TPTE2: variants seen among roughly 807,000 people sequenced by gnomAD.
TPTE2 encodes the protein phosphatidylinositol 3,4,5-trisphosphate 3-phosphatase TPTE2.
A neutral mutation model predicts 78.6 loss-of-function variants in TPTE2; 53 were observed. The ratio of observed to expected loss-of-function variants is 0.67; its 90% confidence interval spans 0.54 to 0.85. The LOEUF (loss-of-function observed/expected upper bound fraction) is 0.85, where lower values mean the gene tolerates loss of function less well. Ranked by LOEUF, TPTE2 falls within the 40% of genes least tolerant of loss-of-function variation. TPTE2 has a pLI of 0.00. For missense variants in TPTE2, 461 were observed against 623.0 expected (o/e 0.74, Z 2.77); for synonymous variants, 175 against 206.2 (o/e 0.85, Z 1.30).
At chr13:19,446,778 AAAAAATAC>A (rs1877866284) in intron 13 of TPTE2, among the ~76,000 whole-genome samples, 1 of 152,046 alleles carries the variant, frequency 6.6e-6, no homozygotes, top group Non-Finnish European at 1.5e-5. Flanking sequence ...CTGTCTCTAT[AAAAAATAC>A]AAAAATTAGC....
chr13:19,529,692 C>T (rs1438761693), intron 1 of TPTE2, among the ~76,000 whole-genome samples: 9 of 152,144 alleles, frequency 5.9e-5, no homozygotes, highest in Non-Finnish European at 1.3e-4. Flanking sequence ...TACTCAGAGC[C>T]AGAGTTCAGC....
At chr13:19,496,134 G>A (rs533268895) in intron 1 of TPTE2, among the ~76,000 whole-genome samples, 2 of 152,264 alleles carry the variant, frequency 1.3e-5, no homozygotes, top group African/African-American at 4.8e-5. Flanking sequence ...CCAAAGTGCT[G>A]GGACTACAGG....
At chr13:19,523,423 T>G (rs1870306201) in intron 1 of TPTE2, among the ~76,000 whole-genome samples, 1 of 152,154 alleles carries the variant, frequency 6.6e-6, no homozygotes, top group Non-Finnish European at 1.5e-5. Flanking sequence ...TTTTTGAAGG[T>G]TCCTAGCTTG....
intron 13 of TPTE2, among the ~76,000 whole-genome samples, chr13:19,441,583 C>T (rs1029676029): frequency 4.6e-4 from 69 of 151,404 alleles, no homozygotes; most frequent in Non-Finnish European, 7.6e-4. Flanking sequence ...TCAATTAATG[C>T]AGGAAAAAGC....
chr13:19,440,722 T>C (rs1254482867), intron 13 of TPTE2, among the ~76,000 whole-genome samples: 3 of 151,808 alleles, frequency 2.0e-5, no homozygotes, highest in African/African-American at 2.4e-5. Context: ...GTGACTGAGA[T>C]TGCACCACTG....
chr13:19,550,409 A>G, the TPTE2 span, among the ~76,000 whole-genome samples: 1 of 152,208 alleles, frequency 6.6e-6, no homozygotes, highest in Non-Finnish European at 1.5e-5. Flanking sequence ...TGGTTCCCAG[A>G]TAATACATAC....
chr13:19,487,652 C>T (rs1395988338), intron 3 of TPTE2, among the ~76,000 whole-genome samples: 1 of 152,120 alleles, frequency 6.6e-6, no homozygotes, highest in Non-Finnish European at 1.5e-5. Context: ...CCAACCTCCA[C>T]ACAGCTGGGA....
intron 13 of TPTE2, among the ~76,000 whole-genome samples, chr13:19,440,684 C>T (rs759524127): frequency 7.2e-5 from 11 of 152,130 alleles, no homozygotes; most frequent in Non-Finnish European, 1.3e-4. Context: ...GCAGGAGAAT[C>T]GCTTGAACCC....
chr13:19,550,147 T>A, the TPTE2 span, among the ~76,000 whole-genome samples: 1 of 148,362 alleles, frequency 6.7e-6, no homozygotes, highest in Admixed American at 6.8e-5. Flanking sequence ...CCCCTGAACC[T>A]AAAAGTTGGA....
In TPTE2 at chr13:19,493,444, T is replaced by C; in HGVS notation, c.65+4A>G. On this transcript the variant is annotated splice_donor_region_variant and intron_variant, in intron 2 of 19. Coordinates refer to ENST00000400230, the Ensembl canonical transcript of TPTE2. ...GTGACTTTATTTAACTATTTATTACTTACCTTTCTTTCGCAGGTGCCTCCT... is the reference window on the plus strand; with the variant it reads ...GTGACTTTATTTAACTATTTATTACCTACCTTTCTTTCGCAGGTGCCTCCT... 1 of 1,613,842 alleles carries C rather than the reference T, an allele frequency of 6.2e-7. No individual in the cohort carries two copies. The highest frequency in any genetic ancestry group is 8.5e-7 in the Non-Finnish European group (1 of 1,179,790).
chr13:19,482,466 T>C, intron 4 of TPTE2, 22 bp downstream of exon 7: 2 of 1,610,600 alleles, frequency 1.2e-6, no homozygotes, highest in South Asian at 1.1e-5. Flanking sequence ...GCTCCCTCCT[T>C]TCAAACTTCA....
intron 3 of TPTE2, among the ~76,000 whole-genome samples, chr13:19,492,600 T>C (rs1421692836): frequency 6.6e-6 from 1 of 152,142 alleles, no homozygotes; most frequent in Non-Finnish European, 1.5e-5. Flanking sequence ...AATGCTACAA[T>C]GAGAAGAATT....
chr13:19,521,753 A>C (rs1223560929), intron 1 of TPTE2, among the ~76,000 whole-genome samples: 1 of 152,096 alleles, frequency 6.6e-6, no homozygotes, highest in Non-Finnish European at 1.5e-5. Context: ...CAGTATACAT[A>C]AACTTTTTCC....
At chr13:19,533,213 C>G (rs1020645937) in intron 1 of TPTE2, among the ~76,000 whole-genome samples, 1 of 152,160 alleles carries the variant, frequency 6.6e-6, no homozygotes, top group Non-Finnish European at 1.5e-5. Flanking sequence ...AGAGTGTCCA[C>G]TCATTTGGAC....
At chr13:19,478,892 C>T (rs993863988) in intron 4 of TPTE2, among the ~76,000 whole-genome samples, 1 of 152,038 alleles carries the variant, frequency 6.6e-6, no homozygotes, top group Non-Finnish European at 1.5e-5. Flanking sequence ...CCATCATTCT[C>T]GCAAACTATC....
rs267603768 is a variant in TPTE2 at position 19,473,981 on chromosome 13, G to A, written c.325C>T (p.Arg109Cys). The A allele has an allele frequency of 1.3e-5, 21 of 1,608,428 alleles. 1 individual carries two copies. The highest frequency in any genetic ancestry group is 4.5e-5 in the East Asian group (2 of 44,790). The stretch of plus-strand genomic sequence containing the variant: ...AAGCCAATAGCTAGAGAAATAGAAC[G>A]ATACTCCAAAGGAATATAAAGTTTG... The change falls in exon 6 of 20, where the codon CGT (arginine) becomes TGT (cysteine). Residue 109 changes from arginine to cysteine, a missense_variant. Coordinates refer to ENST00000400230, the Ensembl canonical transcript of TPTE2.
intron 3 of TPTE2, among the ~76,000 whole-genome samples, chr13:19,483,925 C>T (rs776317366): frequency 7.6e-6 from 1 of 132,448 alleles, no homozygotes; most frequent in African/African-American, 2.8e-5. Context: ...CTATCCCTCC[C>T]CCCTCCCCCT....
chr13:19,468,203 G>A (rs537801411), intron 6 of TPTE2, among the ~76,000 whole-genome samples: 6 of 151,452 alleles, frequency 4.0e-5, no homozygotes, highest in African/African-American at 1.5e-4. Flanking sequence ...ACCACACCCA[G>A]CTAATTTTTG....
At chr13:19,465,400 C>A (rs1287193176) in intron 8 of TPTE2, 65 bp downstream of exon 11, 21 of 1,608,904 alleles carry the variant, frequency 1.3e-5, no homozygotes, top group African/African-American at 2.7e-5. Context: ...AGATATCAAC[C>A]CTTGCCAATG....
Sources: allele counts gnomAD v4.1 joint callset (sites outside exome capture counted in the v4.1 genomes callset), GRCh38; gene constraint gnomAD v4.1.1; transcripts MANE v1.5; gene names NCBI Gene and HGNC (gene_info 2026-07-23, HGNC 2026-07-21).